CDKL2: variants seen among roughly 807,000 people sequenced by gnomAD.
CDKL2 encodes the protein cyclin dependent kinase like 2.
CDKL2 carries 64 observed loss-of-function variants against 63.9 expected under a neutral mutation model. The ratio of observed to expected loss-of-function variants is 1.00; its 90% CI spans 0.82 to 1.23. The LOEUF is 1.23. Ranked by LOEUF, CDKL2 falls within the 50% of genes most tolerant of loss-of-function variation. The pLI is 0.00. For missense variants in CDKL2, 656 were observed against 668.0 expected (o/e 0.98, Z 0.20); for synonymous variants, 211 against 229.2 (o/e 0.92, Z 0.72).
intron 13 of CDKL2, among the ~76,000 whole-genome samples, chr4:75,580,533 G>A (rs1728214063): frequency 6.6e-6 from 1 of 151,140 alleles, no homozygotes. Flanking sequence ...CGGGCTTTGT[G>A]GCACACACGT....
chr4:75,599,250 A>G (rs1400921576), intron 7 of CDKL2, among the ~76,000 whole-genome samples: 3 of 152,178 alleles, frequency 2.0e-5, no homozygotes, highest in Non-Finnish European at 2.9e-5. Context: ...ACATTCCACA[A>G]TGCAACCAGC....
chr4:75,589,639 C>T (rs1678173614), intron 12 of CDKL2, among the ~76,000 whole-genome samples: 2 of 152,152 alleles, frequency 1.3e-5, no homozygotes, highest in Admixed American at 6.6e-5. Context: ...ACCAAGTGAC[C>T]CAGCAAATCC....
At chr4:75,599,548 CAAAAAAAAAAAAAA>C (rs71657365) in intron 7 of CDKL2, among the ~76,000 whole-genome samples, 1 of 69,654 alleles carries the variant, frequency 1.4e-5, no homozygotes, top group African/African-American at 5.6e-5. Context: ...GCAACAAGAG[CAAAAAAAAAAAAAA>C]AAAAAAAAGA....
chr4:75,611,058 G>A (rs1029874151), intron 3 of CDKL2, among the ~76,000 whole-genome samples: 8 of 152,116 alleles, frequency 5.3e-5, no homozygotes, highest in Non-Finnish European at 8.8e-5. Flanking sequence ...CTAAGGATAG[G>A]TGCTATTATT....
At chr4:75,589,473 T>C (rs564550995) in intron 12 of CDKL2, among the ~76,000 whole-genome samples, 64 of 151,072 alleles carry the variant, frequency 4.2e-4, no homozygotes, top group African/African-American at 1.4e-3. Flanking sequence ...CCCGGCTAAT[T>C]TTTTGTATTT....
At chr4:75,590,618 G>A (rs1276677908) in intron 12 of CDKL2, among the ~76,000 whole-genome samples, 1 of 152,194 alleles carries the variant, frequency 6.6e-6, no homozygotes, top group African/African-American at 2.4e-5. Flanking sequence ...GGGAGGCTGA[G>A]GCACAAGAAT....
chr4:75,627,220 A>G (rs1730461108), intron 1 of CDKL2, among the ~76,000 whole-genome samples: 1 of 151,710 alleles, frequency 6.6e-6, no homozygotes, highest in Admixed American at 6.6e-5. Context: ...AAAAAGCACA[A>G]TTCCTTTTCA....
At chr4:75,598,580 G>A (rs1485747070) in intron 7 of CDKL2, among the ~76,000 whole-genome samples, 1 of 133,766 alleles carries the variant, frequency 7.5e-6, no homozygotes, top group African/African-American at 3.0e-5. Flanking sequence ...ATTCTCAGTT[G>A]CTTTTTTTTT....
intron 12 of CDKL2, among the ~76,000 whole-genome samples, chr4:75,587,256 C>T (rs1330423011): frequency 3.3e-5 from 5 of 151,800 alleles, no homozygotes; most frequent in Admixed American, 3.3e-4. Context: ...AAGTTTGAGA[C>T]CAGCCTGGCC....
chr4:75,603,954 T>G lies in CDKL2; in HGVS notation c.658A>C (p.Asn220His). ...QLYHIMMCLG[N>H]LIPRHQELFN... ...AGCTCCTGATGCCTTGGAATTAGAT[T>G]ACCTGGAAGTGAAAACAGCACATAT... The change falls in exon 6 of 14, where the codon AAT becomes CAT. Residue 220 changes from asparagine (N) to histidine (H), a missense_variant and splice_region_variant. By Grantham distance (68) the Asn-to-His change is moderately conservative (BLOSUM62 1). Coordinates refer to ENST00000307465, the MANE Select transcript of CDKL2 (RefSeq NM_001330724.2). 6.2e-7 allele frequency: 1 copy of G among 1,603,922 alleles called. No homozygotes were observed. The highest frequency in any genetic ancestry group is 8.5e-7 in the Non-Finnish European group (1 of 1,177,260).
At chr4:75,618,155 G>A (rs1467858592) in intron 2 of CDKL2, among the ~76,000 whole-genome samples, 1 of 141,080 alleles carries the variant, frequency 7.1e-6, no homozygotes, top group Non-Finnish European at 1.5e-5. Flanking sequence ...CTCTGTCTTT[G>A]TGCTTATATT....
chr4:75,589,982 C>CAA (rs769808423), intron 12 of CDKL2, among the ~76,000 whole-genome samples: 7 of 99,722 alleles, frequency 7.0e-5, no homozygotes, highest in Non-Finnish European at 6.4e-5. Context: ...ACCATGTGTC[C>CAA]AAAAAAAAAA....
chr4:75,600,909 G>T (rs1046655805), intron 6 of CDKL2, among the ~76,000 whole-genome samples: 5 of 152,152 alleles, frequency 3.3e-5, no homozygotes, highest in African/African-American at 1.2e-4. Context: ...AAGTAGTTTT[G>T]CCAAAAAATC....
At chr4:75,607,626 G>C (rs1729477534) in intron 3 of CDKL2, among the ~76,000 whole-genome samples, 1 of 152,096 alleles carries the variant, frequency 6.6e-6, no homozygotes, top group African/African-American at 2.4e-5. Context: ...CTGCTCTCAA[G>C]ACTAAGAGAG....
intron 12 of CDKL2, among the ~76,000 whole-genome samples, chr4:75,586,443 T>G (rs1284027461): frequency 3.3e-5 from 5 of 151,686 alleles, no homozygotes; most frequent in Admixed American, 2.0e-4. Context: ...AGCTAGCCAG[T>G]AAGGTCTCGA....
At chr4:75,611,219 G>T (rs1426018868) in intron 3 of CDKL2, among the ~76,000 whole-genome samples, 1 of 152,144 alleles carries the variant, frequency 6.6e-6, no homozygotes, top group East Asian at 1.9e-4. Context: ...AGCACTTTGG[G>T]AGGCCGAGGT....
intron 3 of CDKL2, among the ~76,000 whole-genome samples, chr4:75,608,866 C>T (rs552392035): frequency 2.0e-5 from 3 of 151,978 alleles, no homozygotes; most frequent in East Asian, 1.9e-4. Flanking sequence ...TGCTGGCACG[C>T]GCTTGTAATC....
chr4:75,580,650 C>G (rs963921419), intron 13 of CDKL2, among the ~76,000 whole-genome samples: 4 of 148,562 alleles, frequency 2.7e-5, no homozygotes, highest in African/African-American at 9.9e-5. Context: ...CTGGACAATA[C>G]AGTAAGATCC....
intron 7 of CDKL2, among the ~76,000 whole-genome samples, 168 bp downstream of exon 7, chr4:75,600,113 C>T (rs1729115894): frequency 6.6e-6 from 1 of 152,266 alleles, no homozygotes; most frequent in East Asian, 1.9e-4. Context: ...TAGGAGACCA[C>T]CCCTAGGAAC....
Sources: allele counts gnomAD v4.1 joint callset (sites outside exome capture counted in the v4.1 genomes callset), GRCh38; gene constraint gnomAD v4.1.1; transcripts MANE v1.5; gene names NCBI Gene and HGNC (gene_info 2026-07-23, HGNC 2026-07-21).